SSBP2: variants seen among roughly 807,000 people sequenced by gnomAD.
SSBP2 encodes the protein single-stranded DNA-binding protein 2.
A neutral mutation model predicts 61.8 loss-of-function variants in SSBP2; 17 were observed. The observed-to-expected ratio is 0.28, with a 90% CI of 0.19 to 0.41. The LOEUF (loss-of-function observed/expected upper bound fraction) is 0.41. SSBP2 is among the 10% of genes least tolerant of loss of function. SSBP2 has a pLI of 1.00. For synonymous variants in SSBP2, 139 were observed against 141.3 expected (o/e 0.98, Z 0.12); for missense variants, 310 against 458.7 (o/e 0.68, Z 2.96).
chr5:81,481,266 C>T (rs1765964246), intron 6 of SSBP2, among the ~76,000 whole-genome samples: 1 of 152,140 alleles, frequency 6.6e-6, no homozygotes, highest in South Asian at 2.1e-4. Context: ...ATGTACTTCC[C>T]CAGATTCATC....
rs112837092 is a variant in SSBP2, at chr5:81,728,679, T to C, written c.62+22302A>G. ...CATCGAGAATGTAAACTAGAAACTA[T>C]ATATCTTACAGATTTTGTAATAAAT... On this transcript the variant is annotated intron_variant, in intron 1 of 16. Transcript: ENST00000320672. Among the ~76,000 whole-genome samples, 998 of 152,342 alleles carry C rather than the reference T, an allele frequency of 6.6e-3. 5 individuals are homozygous for C. The highest frequency in any genetic ancestry group is 0.011 in the Non-Finnish European group (759 of 68,020).
intron 3 of SSBP2, among the ~76,000 whole-genome samples, chr5:81,630,059 T>A (rs563433926): frequency 2.0e-5 from 3 of 152,314 alleles, no homozygotes; most frequent in African/African-American, 7.2e-5. Context: ...TTTAAAATAT[T>A]CTATTAAAAA....
At chr5:81,554,006 C>T (rs1772403113) in intron 4 of SSBP2, among the ~76,000 whole-genome samples, 1 of 152,040 alleles carries the variant, frequency 6.6e-6, no homozygotes, top group Admixed American at 6.6e-5. Flanking sequence ...TAAACTTCCC[C>T]TCCCCCAAAT....
chr5:81,639,741 AG>A (rs1185602968), intron 2 of SSBP2, among the ~76,000 whole-genome samples: 1 of 152,188 alleles, frequency 6.6e-6, no homozygotes, highest in African/African-American at 2.4e-5. Flanking sequence ...AATACTACTA[AG>A]AAGTGAACAA....
chr5:81,686,371 T>C (rs961757209), intron 1 of SSBP2, among the ~76,000 whole-genome samples: 1 of 152,336 alleles, frequency 6.6e-6, no homozygotes, highest in South Asian at 2.1e-4. Context: ...CTTTAACATG[T>C]ATATGGCTTT....
rs1491151241 is a variant in SSBP2 at position 81,445,139 on chromosome 5, T to TATATAC, written c.778+1728_778+1729insGTATAT. ...GTCTCAGCAAAGAAAAAAAAAATTTTATATATATATATATATATATATATA... is the reference window on the plus strand; with the variant it reads ...GTCTCAGCAAAGAAAAAAAAAATTTTATATACATATATATATATATATATATATATA... On this transcript the variant is annotated intron_variant, in intron 12 of 16. Transcript: ENST00000320672. Among the ~76,000 whole-genome samples the TATATAC allele has an allele frequency of 4.4e-3, 60 of 13,622 alleles. 3 individuals carry two copies. The highest frequency in any genetic ancestry group is 0.011 in the African/African-American group (57 of 4,962). The allele number at this position is 13,622 out of a possible 152,430, so 8.9% of individuals were successfully genotyped here. A position where few individuals can be genotyped will look rare whatever the true frequency, so the allele number is the denominator to read the frequency against.
In SSBP2 at chr5:81,530,518, T is replaced by G. The variant is rs73133672; in HGVS notation, c.283-16801A>C. ...CACAACCCCATTTGTTTTTTTTTTC[T>G]GTTTCTTCTCCCTCAGATCCATCTT... On this transcript the variant is annotated intron_variant, in intron 4 of 16. Transcript: ENST00000320672. Among the ~76,000 whole-genome samples, 791 of 152,128 alleles carry G rather than the reference T, an allele frequency of 5.2e-3. 8 individuals are homozygous for G. The highest frequency in any genetic ancestry group is 0.018 in the African/African-American group (760 of 41,528).
chr5:81,453,898 C>T (rs866326638), intron 10 of SSBP2, among the ~76,000 whole-genome samples: 2 of 151,840 alleles, frequency 1.3e-5, no homozygotes, highest in Admixed American at 6.6e-5. Context: ...AATACAAAAC[C>T]AAGGAGTCAA....
At chr5:81,534,242 TACC>T (rs370921426) in intron 4 of SSBP2, among the ~76,000 whole-genome samples, 9 of 152,228 alleles carry the variant, frequency 5.9e-5, no homozygotes, top group African/African-American at 1.7e-4. Flanking sequence ...CTTCACAAGT[TACC>T]ACCACATTAC....
chr5:81,632,382 T>C (rs1581212035), intron 3 of SSBP2, among the ~76,000 whole-genome samples: 5 of 152,316 alleles, frequency 3.3e-5, no homozygotes, highest in Non-Finnish European at 7.3e-5. Context: ...AGTGGCAGGC[T>C]TGAGGAAGAT....
At chr5:81,472,649 G>C (rs900409469) in intron 8 of SSBP2, among the ~76,000 whole-genome samples, 1 of 151,902 alleles carries the variant, frequency 6.6e-6, no homozygotes, top group African/African-American at 2.4e-5. Flanking sequence ...CCCCAGGCTG[G>C]AGTGCAATGG....
At chr5:81,607,649 G>A (rs1745010479) in intron 4 of SSBP2, among the ~76,000 whole-genome samples, 1 of 152,112 alleles carries the variant, frequency 6.6e-6, no homozygotes, top group Non-Finnish European at 1.5e-5. Context: ...GATCATTTAA[G>A]TCCATTTAAT....
At chr5:81,709,351 ATC>A (rs950576267) in intron 1 of SSBP2, among the ~76,000 whole-genome samples, 26 of 151,930 alleles carry the variant, frequency 1.7e-4, no homozygotes, top group African/African-American at 5.8e-4. Context: ...TTTTCTTCTG[ATC>A]TCTTTCACCT....
At chr5:81,655,067 C>CT (rs1035443731) in intron 1 of SSBP2, among the ~76,000 whole-genome samples, 3 of 151,978 alleles carry the variant, frequency 2.0e-5, no homozygotes, top group Non-Finnish European at 4.4e-5. Flanking sequence ...GGAGGATCAC[C>CT]TGAGCCCAGG....
At chr5:81,749,210 G>A (rs1391021258) in intron 1 of SSBP2, among the ~76,000 whole-genome samples, 1 of 152,024 alleles carries the variant, frequency 6.6e-6, no homozygotes, top group Admixed American at 6.6e-5. Flanking sequence ...AGGCTATAAC[G>A]CTATGTCTTT....
intron 1 of SSBP2, among the ~76,000 whole-genome samples, chr5:81,657,986 A>G (rs536958183): frequency 6.6e-6 from 1 of 152,276 alleles, no homozygotes; most frequent in African/African-American, 2.4e-5. Flanking sequence ...ACATGTATAT[A>G]TTGTGGAATG....
chr5:81,477,210 T>C (rs1561446772), intron 6 of SSBP2, among the ~76,000 whole-genome samples: 2 of 152,318 alleles, frequency 1.3e-5, no homozygotes, highest in Non-Finnish European at 1.5e-5. Flanking sequence ...GATGTTCTTG[T>C]TACTTGGGTG....
intron 1 of SSBP2, among the ~76,000 whole-genome samples, chr5:81,730,977 T>C (rs969090104): frequency 2.6e-5 from 4 of 152,214 alleles, no homozygotes; most frequent in African/African-American, 9.6e-5. Flanking sequence ...AAGTGCACAG[T>C]TCAGCAGTGT....
At chr5:81,662,365 G>T (rs1157442763) in intron 1 of SSBP2, among the ~76,000 whole-genome samples, 1 of 152,160 alleles carries the variant, frequency 6.6e-6, no homozygotes, top group African/African-American at 2.4e-5. Context: ...TACTTGGGAG[G>T]CTGAGGCAGA....
Sources: gnomAD v4.1 joint callset for allele counts (sites outside exome capture counted in the v4.1 genomes callset) on GRCh38, gnomAD v4.1.1 for gene constraint, MANE v1.5 for transcripts, NCBI Gene and HGNC (gene_info 2026-07-23, HGNC 2026-07-21) for gene names.